The following HDAC9 variants were observed in gnomAD, a reference collection of about 807,000 sequenced individuals.
HDAC9 encodes the protein MEF-2 interacting transcription repressor (MITR) protein.
A neutral mutation model predicts 139.4 loss-of-function variants in HDAC9; 41 were observed. The ratio of observed to expected loss-of-function variants is 0.29; its 90% CI spans 0.23 to 0.38. The LOEUF (loss-of-function observed/expected upper bound fraction) is 0.38, where lower values mean the gene tolerates loss of function less well. Ranked by LOEUF, HDAC9 falls within the 10% of genes least tolerant of loss-of-function variation. The probability of loss-of-function intolerance (pLI) is 1.00; values close to 1 mark genes in which losing one functional copy is unlikely to be tolerated. For missense variants in HDAC9, 1,147 were observed against 1,297.0 expected (o/e 0.88, Z 1.78); for synonymous variants, 517 against 476.2 (o/e 1.09, Z -1.12).
chr7:18,550,309 C>G (rs1258966046), intron 2 of HDAC9, among the ~76,000 whole-genome samples: 2 of 151,846 alleles, frequency 1.3e-5, no homozygotes, highest in African/African-American at 2.4e-5. Flanking sequence ...TTTTTTCGTT[C>G]CATTCTATGT....
chr7:18,533,923 GTT>G (rs1003969332), intron 2 of HDAC9, among the ~76,000 whole-genome samples: 4 of 151,994 alleles, frequency 2.6e-5, no homozygotes, highest in African/African-American at 9.7e-5. Flanking sequence ...ATTTCAAAGA[GTT>G]TAAAATTTTT....
At chr7:18,661,344 T>C (rs1793072100) in intron 11 of HDAC9, among the ~76,000 whole-genome samples, 1 of 152,152 alleles carries the variant, frequency 6.6e-6, no homozygotes, top group Admixed American at 6.6e-5. Context: ...AGGTGTTTAA[T>C]GTTTATGATG....
intron 22 of HDAC9, among the ~76,000 whole-genome samples, chr7:18,887,722 T>A (rs1412399827): frequency 6.6e-6 from 1 of 152,262 alleles, no homozygotes; most frequent in Non-Finnish European, 1.5e-5. Flanking sequence ...TAGTTATTTT[T>A]AAATGTTTAA....
intron 1 of HDAC9, among the ~76,000 whole-genome samples, chr7:18,332,390 T>TGA (rs1800993665): frequency 8.3e-6 from 1 of 120,172 alleles, no homozygotes; most frequent in South Asian, 2.7e-4. Flanking sequence ...TGTGTGTGTG[T>TGA]GTGAGAGAGA....
intron 2 of HDAC9, among the ~76,000 whole-genome samples, chr7:18,527,342 C>T (rs577975587): frequency 6.6e-6 from 1 of 152,226 alleles, no homozygotes; most frequent in Admixed American, 6.5e-5. Flanking sequence ...TTGTTTTTCA[C>T]AGTTGCCTCC....
At chr7:18,720,592 A>G (rs1248855815) in intron 12 of HDAC9, among the ~76,000 whole-genome samples, 1 of 151,678 alleles carries the variant, frequency 6.6e-6, no homozygotes, top group African/African-American at 2.4e-5. Flanking sequence ...TTATGAATAT[A>G]TGACCTGAAA....
chr7:18,218,852 A>C (rs1792492686), intron 2 of HDAC9, among the ~76,000 whole-genome samples: 1 of 152,142 alleles, frequency 6.6e-6, no homozygotes, highest in East Asian at 1.9e-4. Context: ...GACTATTATA[A>C]ATTATAATAT....
In HDAC9 at chr7:18,326,380, T is replaced by C. The variant is rs752770597; in HGVS notation, c.-42+35865T>C. On this transcript the variant is annotated intron_variant, in intron 1 of 3. Transcript: ENST00000413509. ...TACAATTTGTTTGGGGCAAAAATTG[T>C]TTGAAAGAAGTAGATGTTGGATAAC... 3.7e-4 allele frequency among the ~76,000 whole-genome samples: 57 copies of C among 152,060 alleles called. 1 individual carries two copies. The highest frequency in any genetic ancestry group is 1.1e-3 in the Admixed American group (17 of 15,258).
At chr7:18,788,564 G>T (rs1792017915) in intron 16 of HDAC9, among the ~76,000 whole-genome samples, 2 of 152,018 alleles carry the variant, frequency 1.3e-5, no homozygotes, top group Admixed American at 6.6e-5. Flanking sequence ...AGACTAGCCT[G>T]GCCAACATGG....
At chr7:18,706,673 A>C (rs1692866482) in intron 12 of HDAC9, among the ~76,000 whole-genome samples, 1 of 152,162 alleles carries the variant, frequency 6.6e-6, no homozygotes, top group Non-Finnish European at 1.5e-5. Context: ...TAATTATCAC[A>C]GTTGGGGTGG....
intron 1 of HDAC9, among the ~76,000 whole-genome samples, chr7:18,394,701 T>G (rs1386056698): frequency 6.6e-6 from 1 of 152,150 alleles, no homozygotes. Context: ...ATTTCATTTC[T>G]GTTGAAATTC....
intron 12 of HDAC9, among the ~76,000 whole-genome samples, chr7:18,724,625 T>C (rs1785390573): frequency 6.6e-6 from 1 of 152,136 alleles, no homozygotes; most frequent in Non-Finnish European, 1.5e-5. Context: ...AAAGTAATTG[T>C]GCTATGACAT....
chr7:18,313,290 C>T (rs1212508690), intron 1 of HDAC9, among the ~76,000 whole-genome samples: 1 of 152,186 alleles, frequency 6.6e-6, no homozygotes, highest in African/African-American at 2.4e-5. Flanking sequence ...GTGACCTGGT[C>T]CATTCTGCAT....
At chr7:18,859,687 G>T (rs573207086) in intron 21 of HDAC9, among the ~76,000 whole-genome samples, 2 of 150,992 alleles carry the variant, frequency 1.3e-5, no homozygotes, top group African/African-American at 4.9e-5. Context: ...AATTTGTTTT[G>T]TGAATTCTAT....
intron 12 of HDAC9, among the ~76,000 whole-genome samples, chr7:18,716,199 C>A (rs1784687120): frequency 6.6e-6 from 1 of 152,172 alleles, no homozygotes. Context: ...GCCAACCAGA[C>A]AAGGGATGCT....
At chr7:18,266,646 A>T (rs1796020937) in intron 2 of HDAC9, among the ~76,000 whole-genome samples, 1 of 152,092 alleles carries the variant, frequency 6.6e-6, no homozygotes, top group Admixed American at 6.6e-5. Context: ...TATATGTTGT[A>T]GGTTTTTTCC....
chr7:18,297,684 G>A (rs750048823), intron 1 of HDAC9, among the ~76,000 whole-genome samples: 2 of 152,134 alleles, frequency 1.3e-5, no homozygotes, highest in Non-Finnish European at 2.9e-5. Flanking sequence ...ACAGTTTTTA[G>A]TCCTGATCCA....
In HDAC9 at chr7:18,835,475, C is replaced by T; in HGVS notation, c.2475C>T (p.His825=). 1.2e-6 allele frequency: 2 copies of T among 1,613,204 alleles called. No individual in the cohort carries two copies. The highest frequency in any genetic ancestry group is 1.7e-6 in the Non-Finnish European group (2 of 1,179,372). ...TTTTCATTTCCCTGTAGGATGTTCA[C>T]CATGGAAACGGTACCCAGCAGGCCT... ...SKILIVDLDV[H]HGNGTQQAFY... is the part of the protein sequence containing the mutation. Residue 825 remains histidine (H), a synonymous_variant, in exon 20 of 26, where the codon CAC becomes CAT. Transcript: ENST00000686413.
intron 6 of HDAC9, 96 bp from the exon 7 acceptor site, chr7:18,629,254 A>T: frequency 8.4e-7 from 1 of 1,192,172 alleles, no homozygotes; most frequent in South Asian, 1.6e-5. Context: ...ATGGACCAAG[A>T]AAAGGGTGAG....
Sources: gnomAD v4.1 joint callset for allele counts (sites outside exome capture counted in the v4.1 genomes callset) on GRCh38, gnomAD v4.1.1 for gene constraint, MANE v1.5 for transcripts, NCBI Gene and HGNC (gene_info 2026-07-23, HGNC 2026-07-21) for gene names.